Variants in POMT2 observed in about 807,000 individuals in gnomAD.
POMT2 encodes protein O-mannosyltransferase 2, also known as protein O-mannosyl-transferase 2.
In POMT2, 75 loss-of-function variants were observed where a neutral mutation model predicts 100.0. The observed-to-expected ratio is 0.75, with a 90% confidence interval of 0.62 to 0.91. POMT2 has a LOEUF of 0.91. Ranked by LOEUF, POMT2 falls within the 40% of genes least tolerant of loss-of-function variation. The pLI is 0.00. For missense variants in POMT2, 940 were observed against 955.1 expected, an observed-to-expected ratio of 0.98 and a Z score of 0.21; for synonymous variants, 378 against 374.1, an observed-to-expected ratio of 1.01 and a Z score of -0.12.
chr14:77,296,402 GC>G, intron 8 of POMT2, 129 bp from the exon 9 acceptor site: 2 of 683,930 alleles, frequency 2.9e-6, no homozygotes, highest in Non-Finnish European at 5.3e-6. Context: ...CTGGACTGAA[GC>G]CCAGCTACCT....
At chr14:77,313,682 T>G (rs771065236) in intron 1 of POMT2, among the ~76,000 whole-genome samples, 62 of 152,124 alleles carry the variant, frequency 4.1e-4, no homozygotes, top group Non-Finnish European at 4.7e-4. Context: ...GGATTCCAGT[T>G]TTTTTGTTTT....
chr14:77,282,763 G>A (rs1026052683), intron 15 of POMT2, among the ~76,000 whole-genome samples: 5 of 152,204 alleles, frequency 3.3e-5, no homozygotes, highest in Admixed American at 3.3e-4. Flanking sequence ...GGTGAAATAA[G>A]TCAACTATAT....
intron 2 of POMT2, among the ~76,000 whole-genome samples, chr14:77,311,657 G>GT (rs1382793712): frequency 3.0e-4 from 46 of 152,342 alleles, no homozygotes; most frequent in African/African-American, 9.9e-4. Flanking sequence ...GTTGTAGCAT[G>GT]TATCAGAACC....
At position 77,306,694 on chromosome 14, in the gene POMT2, T is replaced by G. The variant is rs552931547; in HGVS notation, c.334-253A>C. ...TCTAGGAACAGCACAACCTAAACAC[T>G]CAGGAAGGAAAAAGAGCCCCACAAT... On this transcript the variant is annotated intron_variant, in intron 2 of 20. Transcript: ENST00000261534. 139 of 404,218 alleles carry G rather than the reference T, an allele frequency of 3.4e-4. 1 individual carries two copies. Among genetic ancestry groups the G allele is most frequent in the South Asian group, 2.6e-3 (124 of 47,038 alleles). The allele number at this position is 404,218 out of a possible 1,614,324, so 25.0% of individuals were successfully genotyped here.
intron 2 of POMT2, among the ~76,000 whole-genome samples, chr14:77,310,158 T>A (rs4899650): frequency 0.38 from 57,866 of 152,064 alleles, 11,171 homozygotes; most frequent in East Asian, 0.47. Flanking sequence ...ATACTCAACA[T>A]GTTCTGTTGT....
rs766936794 is a variant in POMT2, at chr14:77,283,782, G to A, written c.1653+15C>T. The A allele has an allele frequency of 1.9e-6, 3 of 1,588,778 alleles. No individual in the cohort carries two copies. Among genetic ancestry groups the A allele is most frequent in the Non-Finnish European group, 2.6e-6 (3 of 1,157,010 alleles). On this transcript the variant is annotated intron_variant, in intron 15 of 20. Coordinates refer to ENST00000261534, the MANE Select transcript of POMT2 (RefSeq NM_013382.7). ...AGCTCTTAGAGACGCCATGAAATGA[G>A]AAGGGGACACATACCCGGATCATGA...
intron 18 of POMT2, chr14:77,279,547 T>C (rs1890126182): frequency 1.7e-6 from 1 of 587,292 alleles, no homozygotes; most frequent in African/African-American, 1.8e-5. Flanking sequence ...TAGCTGTATG[T>C]CCTGGGGCAA....
intron 9 of POMT2, 84 bp downstream of exon 9, chr14:77,296,080 A>T: frequency 9.1e-7 from 1 of 1,103,224 alleles, no homozygotes; most frequent in Non-Finnish European, 1.3e-6. Context: ...GGCGAACAGG[A>T]TGAGCAAAGG....
At position 77,298,787 on chromosome 14, in the gene POMT2, G is replaced by C. The variant is rs991508724; in HGVS notation, c.924-16C>G. On this transcript the variant is annotated splice_polypyrimidine_tract_variant and intron_variant, in intron 7 of 20. Coordinates refer to ENST00000261534, the MANE Select transcript of POMT2 (RefSeq NM_013382.7). ...ACCAGGGCCACTGTGGGGAGAGGAA[G>C]AGCAGAAGAGAGTCAAGTTAAAGGA... 1.2e-6 allele frequency: 2 copies of C among 1,606,434 alleles called. No homozygotes were observed. Among genetic ancestry groups the C allele is most frequent in the Non-Finnish European group, 1.7e-6 (2 of 1,175,582 alleles).
In POMT2 at chr14:77,320,492, C is replaced by A. The variant is rs1490009112; in HGVS notation, c.190G>T (p.Val64Leu). ...AVGWWALLAL[V>L]TLLSFATRFH... ...CGGGTGGCGAAGGACAGCAGCGTCA[C>A]CAAGGCCAGCAGGGCCCACCAGCCG... Residue 64 changes from valine (V) to leucine (L), a missense_variant, in exon 1 of 21, where the codon GTG becomes TTG. Transcript: ENST00000261534. The A allele has an allele frequency of 3.2e-6, 5 of 1,546,212 alleles. No homozygotes were observed. The South Asian group carries it at 4.7e-5, about 15-fold the overall frequency.
chr14:77,291,231 C>G (rs1228942283), intron 10 of POMT2, 83 bp downstream of exon 10: 2 of 1,342,606 alleles, frequency 1.5e-6, no homozygotes, highest in Non-Finnish European at 2.1e-6. Flanking sequence ...ATCTCAGGAT[C>G]ATTCTTTTGC....
At chr14:77,311,075 G>A (rs1046780119) in intron 2 of POMT2, among the ~76,000 whole-genome samples, 1 of 152,262 alleles carries the variant, frequency 6.6e-6, no homozygotes, top group African/African-American at 2.4e-5. Flanking sequence ...AGAAGTTGCA[G>A]TGAGCCAAGA....
chr14:77,285,970 C>G (rs1175373806), intron 12 of POMT2, among the ~76,000 whole-genome samples: 1 of 152,200 alleles, frequency 6.6e-6, no homozygotes, highest in Admixed American at 6.5e-5. Flanking sequence ...TCTGAGCCAA[C>G]AGAAACAGAT....
Position 77,277,042 on chromosome 14 carries a change from G to A in POMT2, c.*334C>T. ...ACTCAGCTGTCCAGTTACACGGTCTGTATTCCACAGGGATATGGACAACAT... is the reference window on the plus strand; with the variant it reads ...ACTCAGCTGTCCAGTTACACGGTCTATATTCCACAGGGATATGGACAACAT... On this transcript the variant is annotated 3_prime_UTR_variant, in exon 21 of 21. Coordinates refer to ENST00000261534, the MANE Select transcript of POMT2 (RefSeq NM_013382.7). The A allele has an allele frequency of 2.8e-6, 1 of 356,504 alleles. No individual in the cohort carries two copies. Among genetic ancestry groups the A allele is most frequent in the Non-Finnish European group, 5.4e-6 (1 of 186,898 alleles). 22.1% of individuals were successfully genotyped at this position (356,504 alleles called of 1,614,324 possible). A position where few individuals can be genotyped will look rare whatever the true frequency, so the allele number is the denominator to read the frequency against.
intron 1 of POMT2, among the ~76,000 whole-genome samples, chr14:77,319,004 G>A (rs1594810409): frequency 6.6e-6 from 1 of 152,142 alleles, no homozygotes; most frequent in African/African-American, 2.4e-5. Context: ...CCAAACTGCC[G>A]GGATTACAGG....
chr14:77,312,258 C>A lies in POMT2; in HGVS notation c.249-225G>T, dbSNP rs1012342465. 8 of 581,630 alleles carry A rather than the reference C, an allele frequency of 1.4e-5. No homozygotes were observed. The African/African-American group carries it at 1.5e-4, about 11-fold the overall frequency. The allele number at this position is 581,630 out of a possible 1,614,324, so 36.0% of individuals were successfully genotyped here. On this transcript the variant is annotated intron_variant, in intron 1 of 20. Coordinates refer to ENST00000261534, the MANE Select transcript of POMT2 (RefSeq NM_013382.7). ...GATGAGAAAGGCGAGCAAATATTCA[C>A]TAGCCAGTTACCAATTGAGTTAAAT...
chr14:77,280,564 A>G (rs928051201), intron 15 of POMT2, 101 bp from the exon 16 acceptor site: 1 of 1,584,856 alleles, frequency 6.3e-7, no homozygotes, highest in African/African-American at 1.3e-5. Flanking sequence ...AGCGCCGAGC[A>G]GAACCTTCTC....
intron 1 of POMT2, among the ~76,000 whole-genome samples, chr14:77,315,652 T>C (rs1346974089): frequency 6.6e-6 from 1 of 152,188 alleles, no homozygotes; most frequent in Non-Finnish European, 1.5e-5. Context: ...TCCTGTCCTC[T>C]CCTGGTGGTC....
chr14:77,293,536 A>G (rs898582852), intron 9 of POMT2, among the ~76,000 whole-genome samples: 13 of 152,218 alleles, frequency 8.5e-5, no homozygotes, highest in African/African-American at 3.1e-4. Flanking sequence ...ATACTTTTCT[A>G]CATTTTCCAA....
Sources: allele counts gnomAD v4.1 joint callset (sites outside exome capture counted in the v4.1 genomes callset), GRCh38; gene constraint gnomAD v4.1.1; transcripts MANE v1.5; gene names NCBI Gene and HGNC (gene_info 2026-07-23, HGNC 2026-07-21).